The following UBE2W variants were observed in gnomAD, a reference collection of about 807,000 sequenced individuals.
UBE2W encodes the protein ubiquitin-conjugating enzyme E2 W.
A neutral mutation model predicts 27.2 loss-of-function variants in UBE2W; 18 were observed. That is an observed-to-expected ratio of 0.66 (90% CI 0.46 to 0.98). The LOEUF (loss-of-function observed/expected upper bound fraction) is 0.98, where lower values mean the gene tolerates loss of function less well. Among genes scored for constraint, UBE2W ranks in the 50% least tolerant of loss-of-function variants. The pLI, the probability that UBE2W is intolerant of heterozygous loss-of-function variation, is 0.00. For missense variants in UBE2W, 90 were observed against 180.2 expected (o/e 0.50, Z 2.87); for synonymous variants, 53 against 57.2 (o/e 0.93, Z 0.33).
intron 4 of UBE2W, among the ~76,000 whole-genome samples, chr8:73,807,170 G>A (rs555916909): frequency 5.3e-5 from 8 of 152,174 alleles, no homozygotes; most frequent in South Asian, 4.2e-4. Flanking sequence ...TATGCCTTTC[G>A]GAATCATTCC....
Position 73,791,706 on chromosome 8 carries a change from G to A in UBE2W, c.*2396C>T, listed in dbSNP as rs1189915953. ...TTCAATGATTCCTAAATTCAAGAGAGTGTTGTTAGCCTGATTATGAATTTT... is the reference window on the plus strand; with the variant it reads ...TTCAATGATTCCTAAATTCAAGAGAATGTTGTTAGCCTGATTATGAATTTT... On this transcript the variant is annotated 3_prime_UTR_variant, in exon 6 of 6. Transcript: ENST00000602593. 2.0e-6 allele frequency: 2 copies of A among 985,130 alleles called. No individual in the cohort carries two copies. The highest frequency in any genetic ancestry group is 2.4e-6 in the Non-Finnish European group (2 of 829,712). The allele number at this position is 985,130 out of a possible 1,614,324, so 61.0% of individuals were successfully genotyped here. A position where few individuals can be genotyped will look rare whatever the true frequency, so the allele number is the denominator to read the frequency against.
chr8:73,783,073 A>G (rs571397277), downstream of UBE2W, among the ~76,000 whole-genome samples: 27 of 152,328 alleles, frequency 1.8e-4, no homozygotes, highest in Middle Eastern at 6.8e-3. Flanking sequence ...CTTTGGTTAC[A>G]TATCAGTTCG....
At chr8:73,860,443 A>G (rs931311803) in intron 1 of UBE2W, among the ~76,000 whole-genome samples, 1 of 152,184 alleles carries the variant, frequency 6.6e-6, no homozygotes, top group African/African-American at 2.4e-5. Flanking sequence ...TCTTTGTTCT[A>G]TTTATTAACC....
intron 1 of UBE2W, among the ~76,000 whole-genome samples, chr8:73,846,763 G>A (rs1810819675): frequency 6.6e-6 from 1 of 152,200 alleles, no homozygotes; most frequent in South Asian, 2.1e-4. Context: ...AGGTGATGGG[G>A]AGTTAAAGCA....
At chr8:73,829,571 T>C (rs555970219) in intron 2 of UBE2W, among the ~76,000 whole-genome samples, 4,397 of 46,584 alleles carry the variant, frequency 0.094, 94 homozygotes, top group Non-Finnish European at 0.11. Flanking sequence ...AAGATGTGTA[T>C]TACATTTTTT....
chr8:73,789,784 G>A lies in UBE2W; in HGVS notation c.*4318C>T, dbSNP rs1808117759. ...ACCCAGGAGGTGGAGATTGAAATGAGCCAAGATCGTGCACTGCACTAAAGC... is the reference window on the plus strand; with the variant it reads ...ACCCAGGAGGTGGAGATTGAAATGAACCAAGATCGTGCACTGCACTAAAGC... On this transcript the variant is annotated 3_prime_UTR_variant, in exon 6 of 6. Coordinates refer to ENST00000602593, the MANE Select transcript of UBE2W (RefSeq NM_018299.6). 4.1e-6 allele frequency: 2 copies of A among 489,478 alleles called. No homozygotes were observed. Among genetic ancestry groups the A allele is most frequent in the Non-Finnish European group, 5.3e-6 (2 of 377,202 alleles). 30.3% of individuals were successfully genotyped at this position (489,478 alleles called of 1,614,324 possible).
intron 3 of UBE2W, among the ~76,000 whole-genome samples, chr8:73,814,953 T>A (rs1392004408): frequency 6.6e-6 from 1 of 152,234 alleles, no homozygotes; most frequent in Non-Finnish European, 1.5e-5. Flanking sequence ...AGTATGTTTA[T>A]CCCACAACCA....
intron 3 of UBE2W, among the ~76,000 whole-genome samples, chr8:73,820,432 C>T (rs1388018156): frequency 2.0e-5 from 3 of 152,074 alleles, no homozygotes; most frequent in Non-Finnish European, 4.4e-5. Flanking sequence ...ATGTGAGGGA[C>T]TACAGAATTA....
At chr8:73,835,757 C>G (rs1810285108) in intron 1 of UBE2W, among the ~76,000 whole-genome samples, 1 of 152,034 alleles carries the variant, frequency 6.6e-6, no homozygotes, top group Non-Finnish European at 1.5e-5. Flanking sequence ...AACAACAAAA[C>G]AAAACAAAAC....
intron 1 of UBE2W, among the ~76,000 whole-genome samples, chr8:73,834,750 A>G (rs981688177): frequency 1.3e-5 from 2 of 152,026 alleles, no homozygotes; most frequent in South Asian, 2.1e-4. Context: ...CTCTACTACA[A>G]ATACAAAAAT....
downstream of UBE2W, among the ~76,000 whole-genome samples, chr8:73,783,569 TC>T (rs1807881139): frequency 6.6e-6 from 1 of 152,154 alleles, no homozygotes; most frequent in Admixed American, 6.5e-5. Flanking sequence ...CATATTATAA[TC>T]AATTCAAGCC....
At chr8:73,805,472 C>CAAAAAAAAACAAACAAACAAACAAAA in intron 5 of UBE2W, among the ~76,000 whole-genome samples, 179 bp downstream of exon 5, 1 of 43,676 alleles carries the variant, frequency 2.3e-5, no homozygotes, top group Non-Finnish European at 5.0e-5. Context: ...AAAAAAAAAA[C>CAAAAAAAAACAAACAAACAAACAAAA]AAAAAAAACT....
intron 1 of UBE2W, among the ~76,000 whole-genome samples, chr8:73,840,769 T>C (rs1405417535): frequency 1.3e-5 from 2 of 152,080 alleles, no homozygotes; most frequent in African/African-American, 4.8e-5. Flanking sequence ...ATGCTGGCAA[T>C]TGGAGGAAAA....
intron 1 of UBE2W, among the ~76,000 whole-genome samples, chr8:73,868,489 A>C (rs1811868543): frequency 6.6e-6 from 1 of 152,168 alleles, no homozygotes. Context: ...GGTTTCTGTG[A>C]GCTGATCTAG....
At chr8:73,782,431 T>C (rs1807863581), downstream of UBE2W, among the ~76,000 whole-genome samples, 1 of 152,196 alleles carries the variant, frequency 6.6e-6, no homozygotes, top group Non-Finnish European at 1.5e-5. Context: ...CATTTCCCTA[T>C]GCAAACATTT....
chr8:73,869,598 G>A (rs1811916374), intron 1 of UBE2W, among the ~76,000 whole-genome samples: 1 of 152,176 alleles, frequency 6.6e-6, no homozygotes. Flanking sequence ...GGCTGAAGCA[G>A]AAGAATTGCT....
At chr8:73,795,770 T>C (rs1192228135) in intron 5 of UBE2W, 9 of 983,888 alleles carry the variant, frequency 9.1e-6, no homozygotes, top group Non-Finnish European at 1.1e-5. Context: ...AAGTAGTTTA[T>C]ATCCTCTAAA....
downstream of UBE2W, among the ~76,000 whole-genome samples, chr8:73,785,704 G>A (rs1807933766): frequency 6.6e-6 from 1 of 152,088 alleles, no homozygotes; most frequent in South Asian, 2.1e-4. Flanking sequence ...CTATTCTCCT[G>A]CCTCAGCCTC....
Position 73,791,321 on chromosome 8 carries a change from G to T in UBE2W, c.*2781C>A, listed in dbSNP as rs777058726. On this transcript the variant is annotated 3_prime_UTR_variant, in exon 6 of 6. Coordinates refer to ENST00000602593, the MANE Select transcript of UBE2W (RefSeq NM_018299.6). ...TCATGATCTAAGCATGCATAAATAA[G>T]GAAGCAAATGTATCACTGTCTTAAT... 6.0e-5 allele frequency: 59 copies of T among 979,874 alleles called. No homozygotes were observed. Among genetic ancestry groups the T allele is most frequent in the Non-Finnish European group, 6.5e-5 (54 of 828,942 alleles). 60.7% of individuals were successfully genotyped at this position (979,874 alleles called of 1,614,324 possible).
Sources: allele counts gnomAD v4.1 joint callset (sites outside exome capture counted in the v4.1 genomes callset), GRCh38; gene constraint gnomAD v4.1.1; transcripts MANE v1.5; gene names NCBI Gene and HGNC (gene_info 2026-07-23, HGNC 2026-07-21).